Variants in PDE3A observed in about 807,000 individuals in gnomAD.
PDE3A encodes phosphodiesterase 3A, also known as cGMP-inhibited 3',5'-cyclic phosphodiesterase 3A.
In PDE3A, 43 loss-of-function variants were observed where a neutral mutation model predicts 98.3. That is an observed-to-expected ratio of 0.44 (90% CI 0.34 to 0.56). The LOEUF (loss-of-function observed/expected upper bound fraction) is 0.56, where lower values mean the gene tolerates loss of function less well. Among genes scored for constraint, PDE3A ranks in the 20% least tolerant of loss-of-function variants. The probability of loss-of-function intolerance (pLI) is 0.01; values close to 1 mark genes in which losing one functional copy is unlikely to be tolerated. For missense variants in PDE3A, 1,427 were observed against 1,440.7 expected, an observed-to-expected ratio of 0.99 and a Z score of 0.15; for synonymous variants, 663 against 567.9, an observed-to-expected ratio of 1.17 and a Z score of -2.38.
intron 1 of PDE3A, among the ~76,000 whole-genome samples, chr12:20,499,520 A>G (rs1202067405): frequency 2.6e-5 from 4 of 152,200 alleles, no homozygotes; most frequent in Non-Finnish European, 5.9e-5. Context: ...AACTGTTAGT[A>G]TTCATATAAT....
intron 15 of PDE3A, among the ~76,000 whole-genome samples, chr12:20,667,038 AT>A (rs1432700086): frequency 1.3e-5 from 2 of 152,062 alleles, no homozygotes; most frequent in African/African-American, 2.4e-5. Context: ...GATATTGAGC[AT>A]TTTTTCATAT....
rs190199245 is a variant in PDE3A, at chr12:20,386,202, A to T, written c.960+15958A>T. ...ATATATAAATATATATAAATATATA[A>T]AAATATATATAAATATATAAAAAAT... On this transcript the variant is annotated intron_variant, in intron 1 of 15. Transcript: ENST00000359062. 3.2e-3 allele frequency among the ~76,000 whole-genome samples: 195 copies of T among 61,290 alleles called. 4 individuals are homozygous for T. The highest frequency in any genetic ancestry group is 0.02 in the Middle Eastern group (3 of 148). 40.2% of individuals were successfully genotyped at this position (61,290 alleles called of 152,430 possible).
At chr12:20,411,914 A>G (rs7967538) in intron 1 of PDE3A, among the ~76,000 whole-genome samples, 94,543 of 152,036 alleles carry the variant, frequency 0.62, 31,014 homozygotes, top group East Asian at 0.88. Context: ...TTAGCCAAGG[A>G]CCTTCATTTC....
chr12:20,540,190 A>G (rs1362569167), intron 1 of PDE3A, among the ~76,000 whole-genome samples: 3 of 152,158 alleles, frequency 2.0e-5, no homozygotes, highest in East Asian at 3.9e-4. Flanking sequence ...ACAGTTTCTC[A>G]GAGCCTCCAC....
At chr12:20,383,932 T>C (rs892112856) in intron 1 of PDE3A, among the ~76,000 whole-genome samples, 20 of 151,874 alleles carry the variant, frequency 1.3e-4, no homozygotes, top group Non-Finnish European at 1.9e-4. Context: ...GGTGTTACGA[T>C]GTAAGAAGGA....
intron 1 of PDE3A, among the ~76,000 whole-genome samples, chr12:20,458,919 T>G (rs755680744): frequency 2.0e-5 from 3 of 152,172 alleles, no homozygotes; most frequent in Non-Finnish European, 2.9e-5. Context: ...TGAAAAATGC[T>G]TATAGTTAAA....
intron 1 of PDE3A, among the ~76,000 whole-genome samples, chr12:20,515,890 G>A (rs977371766): frequency 2.0e-5 from 3 of 149,960 alleles, no homozygotes; most frequent in Admixed American, 6.6e-5. Context: ...CTGCCACTAC[G>A]CCCGGCTAAT....
At chr12:20,676,623 C>A (rs554328479) in intron 15 of PDE3A, among the ~76,000 whole-genome samples, 173 of 151,952 alleles carry the variant, frequency 1.1e-3, no homozygotes, top group Non-Finnish European at 1.8e-3. Flanking sequence ...CCTCAGCCTC[C>A]CGAGTAGCTG....
intron 1 of PDE3A, among the ~76,000 whole-genome samples, chr12:20,391,175 C>T (rs762093537): frequency 5.9e-5 from 9 of 151,644 alleles, no homozygotes; most frequent in Middle Eastern, 3.4e-3. Context: ...TCTAGGCTGT[C>T]GAGAGAAGTT....
At chr12:20,661,099 G>A (rs1274398358) in intron 15 of PDE3A, among the ~76,000 whole-genome samples, 1 of 152,182 alleles carries the variant, frequency 6.6e-6, no homozygotes, top group Non-Finnish European at 1.5e-5. Context: ...ATGGAGATGA[G>A]GAACTTGTCG....
chr12:20,630,222 T>C, intron 6 of PDE3A, 95 bp downstream of exon 6: 2 of 832,014 alleles, frequency 2.4e-6, no homozygotes, highest in East Asian at 4.9e-5. Flanking sequence ...TTGGGGTAGG[T>C]TTGCCAAAGT....
intron 1 of PDE3A, among the ~76,000 whole-genome samples, chr12:20,478,874 G>C (rs1053664191): frequency 5.9e-5 from 9 of 151,866 alleles, no homozygotes; most frequent in African/African-American, 2.2e-4. Context: ...ACATTTTTTT[G>C]CCTAGATTTT....
chr12:20,519,684 T>C (rs1005145688), intron 1 of PDE3A, among the ~76,000 whole-genome samples: 1 of 152,190 alleles, frequency 6.6e-6, no homozygotes, highest in Non-Finnish European at 1.5e-5. Context: ...GTAACTGCAC[T>C]AATGAACATA....
intron 1 of PDE3A, among the ~76,000 whole-genome samples, chr12:20,525,401 T>C (rs889551912): frequency 2.7e-5 from 4 of 150,766 alleles, no homozygotes; most frequent in Admixed American, 1.3e-4. Context: ...CTAAAATTGA[T>C]TTTAAGAATA....
chr12:20,446,944 G>T (rs1317831006), intron 1 of PDE3A, among the ~76,000 whole-genome samples: 2 of 152,116 alleles, frequency 1.3e-5, no homozygotes, highest in Admixed American at 6.5e-5. Flanking sequence ...CACAGGTGAG[G>T]GTGCATCAGT....
chr12:20,539,537 A>G (rs1941841579), intron 1 of PDE3A, among the ~76,000 whole-genome samples: 1 of 152,144 alleles, frequency 6.6e-6, no homozygotes, highest in Non-Finnish European at 1.5e-5. Flanking sequence ...ACAAGAGAAG[A>G]TGAGGGTAAG....
chr12:20,434,516 G>C (rs560207396), intron 1 of PDE3A, among the ~76,000 whole-genome samples: 1 of 152,278 alleles, frequency 6.6e-6, no homozygotes, highest in East Asian at 1.9e-4. Context: ...GGACCAGGCA[G>C]GTGTGAGGAC....
At chr12:20,388,836 T>C (rs1164706118) in intron 1 of PDE3A, among the ~76,000 whole-genome samples, 3 of 152,058 alleles carry the variant, frequency 2.0e-5, no homozygotes, top group Non-Finnish European at 4.4e-5. Context: ...TTTCCATTTG[T>C]TGTTGCTTGT....
intron 2 of PDE3A, among the ~76,000 whole-genome samples, chr12:20,606,352 A>G (rs1464480215): frequency 6.6e-6 from 1 of 152,182 alleles, no homozygotes; most frequent in Non-Finnish European, 1.5e-5. Flanking sequence ...ATGTTACTTA[A>G]TGATACATGA....
Sources: gnomAD v4.1 joint callset for allele counts (sites outside exome capture counted in the v4.1 genomes callset) on GRCh38, gnomAD v4.1.1 for gene constraint, MANE v1.5 for transcripts, NCBI Gene and HGNC (gene_info 2026-07-23, HGNC 2026-07-21) for gene names.